C1orf21: variants seen among roughly 807,000 people sequenced by gnomAD.
C1orf21 encodes uncharacterized protein C1orf21.
A neutral mutation model predicts 18.7 loss-of-function variants in C1orf21; 3 were observed. The observed-to-expected ratio is 0.16, with a 90% CI of 0.07 to 0.42. C1orf21 has a LOEUF of 0.42. Among genes scored for constraint, C1orf21 ranks in the 10% least tolerant of loss-of-function variants. C1orf21 has a pLI of 0.99. For synonymous variants in C1orf21, 41 were observed against 46.4 expected, an observed-to-expected ratio of 0.88 and a Z score of 0.47; for missense variants, 104 against 143.6, an observed-to-expected ratio of 0.72 and a Z score of 1.41.
intron 3 of C1orf21, among the ~76,000 whole-genome samples, chr1:184,571,314 A>AG (rs2101990071): frequency 6.6e-6 from 1 of 151,654 alleles, no homozygotes; most frequent in African/African-American, 2.4e-5. Flanking sequence ...AAAAAAAAAA[A>AG]AAAAGAAAAG....
intron 1 of C1orf21, among the ~76,000 whole-genome samples, chr1:184,422,725 A>G (rs1255923730): frequency 6.6e-6 from 1 of 152,168 alleles, no homozygotes; most frequent in Non-Finnish European, 1.5e-5. Context: ...AGTTTGATTG[A>G]TAGGATTTTC....
intron 1 of C1orf21, among the ~76,000 whole-genome samples, chr1:184,448,828 A>G (rs1287434954): frequency 6.6e-6 from 1 of 152,050 alleles, no homozygotes; most frequent in Non-Finnish European, 1.5e-5. Context: ...TTCTTTGGTA[A>G]CTTATTAAGT....
intron 1 of C1orf21, among the ~76,000 whole-genome samples, chr1:184,414,891 T>C (rs1349908489): frequency 6.6e-6 from 1 of 152,186 alleles, no homozygotes; most frequent in African/African-American, 2.4e-5. Context: ...TTCTTCTTAC[T>C]TTTGTGTGGG....
intron 3 of C1orf21, among the ~76,000 whole-genome samples, chr1:184,589,630 C>T (rs1445242873): frequency 6.6e-6 from 1 of 152,162 alleles, no homozygotes; most frequent in Non-Finnish European, 1.5e-5. Flanking sequence ...AGATAGACTG[C>T]AAGAAACTTA....
chr1:184,416,500 A>AGGTGTAAGTCACTATGCTCGGCCGG, intron 1 of C1orf21, among the ~76,000 whole-genome samples: 1 of 152,282 alleles, frequency 6.6e-6, no homozygotes, highest in Admixed American at 6.5e-5. Context: ...AATCCCAAAT[A>AGGTGTAAGTCACTATGCTCGGCCGG]ATTTGTCATT....
chr1:184,609,132 T>A (rs766236575), intron 5 of C1orf21, among the ~76,000 whole-genome samples: 1 of 151,952 alleles, frequency 6.6e-6, no homozygotes, highest in Non-Finnish European at 1.5e-5. Flanking sequence ...GTCCCTCACC[T>A]CTCCCTCTCC....
chr1:184,428,888 A>G (rs1656687544), intron 1 of C1orf21, among the ~76,000 whole-genome samples: 1 of 152,132 alleles, frequency 6.6e-6, no homozygotes, highest in Admixed American at 6.5e-5. Context: ...CTGCATTGCT[A>G]TTAAGGACTT....
At chr1:184,484,277 G>A (rs1657701091) in intron 2 of C1orf21, among the ~76,000 whole-genome samples, 1 of 152,104 alleles carries the variant, frequency 6.6e-6, no homozygotes, top group Non-Finnish European at 1.5e-5. Flanking sequence ...GCAGCCTTGT[G>A]AACTTATCCT....
intron 3 of C1orf21, among the ~76,000 whole-genome samples, chr1:184,570,948 G>C (rs1288172382): frequency 6.6e-6 from 1 of 152,148 alleles, no homozygotes; most frequent in African/African-American, 2.4e-5. Flanking sequence ...TCTTGCAAGC[G>C]TTTATACACA....
intron 1 of C1orf21, among the ~76,000 whole-genome samples, chr1:184,388,349 C>T (rs976937825): frequency 6.6e-6 from 1 of 152,162 alleles, no homozygotes; most frequent in Non-Finnish European, 1.5e-5. Flanking sequence ...TTCTGAGAGA[C>T]GGCAAGCAGT....
intron 1 of C1orf21, among the ~76,000 whole-genome samples, chr1:184,466,271 C>T (rs1168397215): frequency 6.6e-6 from 1 of 152,128 alleles, no homozygotes; most frequent in Non-Finnish European, 1.5e-5. Flanking sequence ...TTATCTCAAA[C>T]CCCATGAAAC....
chr1:184,441,879 G>C (rs1198827681), intron 1 of C1orf21, among the ~76,000 whole-genome samples: 1 of 152,170 alleles, frequency 6.6e-6, no homozygotes, highest in Non-Finnish European at 1.5e-5. Context: ...TGTTCAGCTG[G>C]TATTGATGTT....
At chr1:184,518,986 T>A (rs1401230995) in intron 3 of C1orf21, among the ~76,000 whole-genome samples, 1 of 152,138 alleles carries the variant, frequency 6.6e-6, no homozygotes, top group South Asian at 2.1e-4. Flanking sequence ...TTTGGGAGGC[T>A]GATGGAATAA....
At chr1:184,550,257 T>C (rs536029288) in intron 3 of C1orf21, among the ~76,000 whole-genome samples, 11 of 152,360 alleles carry the variant, frequency 7.2e-5, no homozygotes, top group African/African-American at 2.6e-4. Context: ...GATGAGATTG[T>C]AAAGGTTGTT....
At chr1:184,535,035 T>C (rs574557996) in intron 3 of C1orf21, among the ~76,000 whole-genome samples, 1 of 150,094 alleles carries the variant, frequency 6.7e-6, no homozygotes, top group Admixed American at 6.6e-5. Flanking sequence ...TAAGGTATTC[T>C]CGAGGCAACA....
chr1:184,615,663 A>G (rs137890494), intron 5 of C1orf21, among the ~76,000 whole-genome samples: 2 of 152,310 alleles, frequency 1.3e-5, no homozygotes, highest in East Asian at 1.9e-4. Context: ...TAAATGAGAC[A>G]TGAAGTCATG....
At chr1:184,571,661 G>A (rs1250819077) in intron 3 of C1orf21, among the ~76,000 whole-genome samples, 2 of 152,096 alleles carry the variant, frequency 1.3e-5, no homozygotes, top group Admixed American at 6.5e-5. Context: ...GCCATTGGGG[G>A]ATTTCCAGGA....
intron 5 of C1orf21, among the ~76,000 whole-genome samples, chr1:184,606,136 T>C (rs1037025910): frequency 6.6e-6 from 1 of 152,244 alleles, no homozygotes; most frequent in African/African-American, 2.4e-5. Context: ...TAACCTGTGC[T>C]AACTTTCGAG....
chr1:184,476,055 G>A (rs1475270879), intron 1 of C1orf21, among the ~76,000 whole-genome samples: 3 of 152,072 alleles, frequency 2.0e-5, no homozygotes, highest in Non-Finnish European at 2.9e-5. Flanking sequence ...TAAGATCACT[G>A]CCTTTTTATC....
Sources: gnomAD v4.1 joint callset for allele counts (sites outside exome capture counted in the v4.1 genomes callset) on GRCh38, gnomAD v4.1.1 for gene constraint, MANE v1.5 for transcripts, NCBI Gene and HGNC (gene_info 2026-07-23, HGNC 2026-07-21) for gene names.